TIAM1: variants seen among roughly 807,000 people sequenced by gnomAD.
TIAM1 encodes the protein TIAM Rac1 associated GEF 1, also known as rho guanine nucleotide exchange factor TIAM1.
Under a neutral mutation model 163.5 loss-of-function variants are expected in TIAM1, and 65 were observed. The ratio of observed to expected loss-of-function variants is 0.40; its 90% CI spans 0.33 to 0.49. The LOEUF (loss-of-function observed/expected upper bound fraction) is 0.49, where lower values mean the gene tolerates loss of function less well. Among genes scored for constraint, TIAM1 ranks in the 20% least tolerant of loss-of-function variants. The pLI, the probability that TIAM1 is intolerant of heterozygous loss-of-function variation, is 0.77. For synonymous variants in TIAM1, 833 were observed against 810.1 expected, an observed-to-expected ratio of 1.03 and a Z score of -0.48; for missense variants, 1,789 against 2,044.7, an observed-to-expected ratio of 0.87 and a Z score of 2.41.
At chr21:31,378,960 TTTTA>T (rs2076733484) in intron 2 of TIAM1, among the ~76,000 whole-genome samples, 1 of 152,136 alleles carries the variant, frequency 6.6e-6, no homozygotes, top group Admixed American at 6.6e-5. Context: ...TACTAAACTA[TTTTA>T]TTTGTTTTAT....
intron 22 of TIAM1, among the ~76,000 whole-genome samples, chr21:31,138,393 G>A (rs1022860672): frequency 4.6e-5 from 7 of 152,180 alleles, no homozygotes; most frequent in Admixed American, 1.3e-4. Flanking sequence ...TGTGTTCCTA[G>A]AATGTTACCA....
At chr21:31,376,473 C>T (rs546119319) in intron 2 of TIAM1, among the ~76,000 whole-genome samples, 2 of 152,152 alleles carry the variant, frequency 1.3e-5, no homozygotes, top group South Asian at 2.1e-4. Flanking sequence ...CCTGATTATG[C>T]GTGCTAATGA....
In TIAM1 at chr21:31,123,094, C is replaced by T. The variant is rs561954619; in HGVS notation, c.4306+1428G>A. Among the ~76,000 whole-genome samples the T allele has an allele frequency of 9.2e-5, 14 of 152,268 alleles. No homozygotes were observed. The East Asian group carries it at 1.2e-3, about 13-fold the overall frequency. ...GCTTTCTCTTGGTAATCATGACGGA[C>T]GATGGTGTTAAATTGTGGGCTGGTT... On this transcript the variant is annotated intron_variant, in intron 27 of 27. Transcript: ENST00000541036.
chr21:31,282,767 A>G (rs1266998004), intron 2 of TIAM1, among the ~76,000 whole-genome samples: 1 of 152,236 alleles, frequency 6.6e-6, no homozygotes, highest in Non-Finnish European at 1.5e-5. Context: ...CATGAATGAA[A>G]TAGTTTTAGC....
intron 1 of TIAM1, among the ~76,000 whole-genome samples, chr21:31,547,082 G>A (rs564034020): frequency 6.6e-6 from 1 of 152,298 alleles, no homozygotes; most frequent in African/African-American, 2.4e-5. Flanking sequence ...CAGAACTGCT[G>A]TATCACAGGC....
chr21:31,248,445 G>T (rs1021661310), intron 5 of TIAM1, among the ~76,000 whole-genome samples: 1 of 152,136 alleles, frequency 6.6e-6, no homozygotes, highest in Non-Finnish European at 1.5e-5. Context: ...GCAAATCTGA[G>T]AACCACGTTC....
At chr21:31,188,505 G>A (rs1223431741) in intron 13 of TIAM1, among the ~76,000 whole-genome samples, 2 of 152,108 alleles carry the variant, frequency 1.3e-5, no homozygotes, top group Admixed American at 1.3e-4. Flanking sequence ...GAATGAATAG[G>A]ATTCATCTAA....
intron 22 of TIAM1, among the ~76,000 whole-genome samples, chr21:31,138,565 A>C (rs989766803): frequency 2.0e-5 from 3 of 152,178 alleles, no homozygotes; most frequent in African/African-American, 7.2e-5. Context: ...TAATTTGGGT[A>C]CCTCCACAAT....
At chr21:31,538,730 G>T (rs192137222) in intron 1 of TIAM1, among the ~76,000 whole-genome samples, 48 of 152,300 alleles carry the variant, frequency 3.2e-4, no homozygotes, top group Middle Eastern at 3.4e-3. Flanking sequence ...CCTTGGTTTC[G>T]AAAGAGATTT....
chr21:31,305,606 G>A (rs1465794238), intron 2 of TIAM1, among the ~76,000 whole-genome samples: 1 of 152,072 alleles, frequency 6.6e-6, no homozygotes, highest in Non-Finnish European at 1.5e-5. Context: ...TTTATCAACG[G>A]CCAGTTGCTG....
rs905525287 is a variant in TIAM1, at chr21:31,285,267, TG to T, written c.-188-8360del. Among the ~76,000 whole-genome samples the T allele has an allele frequency of 1.3e-4, 19 of 151,164 alleles. No homozygotes were observed. In the South Asian group the frequency reaches 3.8e-3, roughly 30 times the overall value. On this transcript the variant is annotated intron_variant, in intron 2 of 27. Coordinates refer to ENST00000541036, the MANE Select transcript of TIAM1 (RefSeq NM_001353694.2). Reference sequence around the variant, plus strand: ...CACTCTGGAATCAGGGAAGAGCTTGTGGGGGGGGCGGTGAGGCCATGAACTC... The same window carrying T: ...CACTCTGGAATCAGGGAAGAGCTTGTGGGGGGGCGGTGAGGCCATGAACTC...
intron 2 of TIAM1, among the ~76,000 whole-genome samples, chr21:31,437,337 A>T (rs2044243849): frequency 6.6e-6 from 1 of 152,042 alleles, no homozygotes; most frequent in African/African-American, 2.4e-5. Flanking sequence ...ACCCATCTCT[A>T]CTAAAAGTAC....
At chr21:31,191,436 G>A (rs1019820671) in intron 13 of TIAM1, among the ~76,000 whole-genome samples, 7 of 152,182 alleles carry the variant, frequency 4.6e-5, no homozygotes, top group Non-Finnish European at 8.8e-5. Flanking sequence ...TTACAGGTGT[G>A]ACCCTCTGTG....
intron 15 of TIAM1, among the ~76,000 whole-genome samples, chr21:31,168,406 C>CT (rs201400379): frequency 0.034 from 5,152 of 150,762 alleles, 314 homozygotes; most frequent in African/African-American, 0.12. Flanking sequence ...CCCTGAGATT[C>CT]TTTTTCTTTT....
intron 1 of TIAM1, among the ~76,000 whole-genome samples, chr21:31,530,306 A>G (rs1216688370): frequency 2.0e-5 from 3 of 152,172 alleles, no homozygotes; most frequent in Non-Finnish European, 2.9e-5. Context: ...TCTCACCACC[A>G]CTTTTTAGAC....
Position 31,146,798 on chromosome 21 carries a change from A to C in TIAM1, c.3475+97T>G, listed in dbSNP as rs114493912. The C allele has an allele frequency of 2.6e-3, 2,334 of 881,824 alleles. 36 individuals are homozygous for C. In the African/African-American group the frequency reaches 0.031, roughly 12 times the overall value. The allele number at this position is 881,824 out of a possible 1,614,324, so 54.6% of individuals were successfully genotyped here. On this transcript the variant is annotated intron_variant, in intron 20 of 27. Transcript: ENST00000541036. ...TTGCTGGAACATCTATCTGGCAACCAATGACTCTTAGATTTCTGCCCAAAA... is the reference window on the plus strand; with the variant it reads ...TTGCTGGAACATCTATCTGGCAACCCATGACTCTTAGATTTCTGCCCAAAA...
Position 31,363,323 on chromosome 21 carries a change from T to A in TIAM1, c.-368-23901A>T, listed in dbSNP as rs143045304. ...CTAACCCCAGCCTTACCCTGACTGG[T>A]ACACAGACAAACGTATTCCCACTTT... On this transcript the variant is annotated intron_variant, in intron 2 of 28. Coordinates refer to the TIAM1 transcript ENST00000286827. Among the ~76,000 whole-genome samples the A allele has an allele frequency of 4.8e-3, 732 of 152,256 alleles. 4 individuals carry two copies. The highest frequency in any genetic ancestry group is 0.017 in the African/African-American group (692 of 41,540).
At position 31,473,085 on chromosome 21, in the gene TIAM1, A is replaced by T. The variant is rs192846612; in HGVS notation, c.-421-9050T>A. ...AGAAAGATGCTGTGGAGTTTCAGGC[A>T]TTTTCTGGGGTTTTCCCACTCTGTT... On this transcript the variant is annotated intron_variant, in intron 1 of 28. Transcript: ENST00000286827. Among the ~76,000 whole-genome samples, 6 of 152,180 alleles carry T rather than the reference A, an allele frequency of 3.9e-5. No individual in the cohort carries two copies. The East Asian group carries it at 1.2e-3, about 29-fold the overall frequency.
intron 1 of TIAM1, among the ~76,000 whole-genome samples, chr21:31,464,415 TG>T (rs2045446610): frequency 1.3e-5 from 2 of 152,230 alleles, no homozygotes; most frequent in African/African-American, 2.4e-5. Flanking sequence ...TTTCTTAAGA[TG>T]GTTAAAATTG....
Sources: gnomAD v4.1 joint callset for allele counts (sites outside exome capture counted in the v4.1 genomes callset) on GRCh38, gnomAD v4.1.1 for gene constraint, MANE v1.5 for transcripts, NCBI Gene and HGNC (gene_info 2026-07-23, HGNC 2026-07-21) for gene names.